The following DNAJC16 variants were observed in gnomAD, a reference collection of about 807,000 sequenced individuals.
DNAJC16 encodes dnaJ homolog subfamily C member 16.
In DNAJC16, 76 loss-of-function variants were observed where a neutral mutation model predicts 92.7. The ratio of observed to expected loss-of-function variants is 0.82; its 90% CI spans 0.68 to 0.99. The LOEUF is 0.99. Ranked by LOEUF, DNAJC16 falls within the 50% of genes least tolerant of loss-of-function variation. The probability of loss-of-function intolerance (pLI) is 0.00; values close to 1 mark genes in which losing one functional copy is unlikely to be tolerated. For missense variants in DNAJC16, 869 were observed against 942.4 expected (o/e 0.92, Z 1.02); for synonymous variants, 328 against 358.7 (o/e 0.91, Z 0.97).
At position 15,568,194 on chromosome 1, in the gene DNAJC16, G is replaced by A. The variant is rs147514781; in HGVS notation, c.*17G>A. ...CTAGACTGAGAGGATTTTCCAAAGAGATTTGAACTCTTCAGACTTTTTAAC... is the reference window on the plus strand; with the variant it reads ...CTAGACTGAGAGGATTTTCCAAAGAAATTTGAACTCTTCAGACTTTTTAAC... On this transcript the variant is annotated 3_prime_UTR_variant, in exon 15 of 15. Coordinates refer to ENST00000375847, the MANE Select transcript of DNAJC16 (RefSeq NM_015291.4). 1.0e-4 allele frequency: 162 copies of A among 1,585,504 alleles called. 2 individuals carry two copies. In the African/African-American group the frequency reaches 2.0e-3, roughly 20 times the overall value.
At chr1:15,532,781 G>C (rs772782313) in intron 2 of DNAJC16, among the ~76,000 whole-genome samples, 1 of 151,838 alleles carries the variant, frequency 6.6e-6, no homozygotes, top group African/African-American at 2.4e-5. Flanking sequence ...ATTATGACTA[G>C]CTGAGATTTT....
At chr1:15,533,341 T>C (rs924077905) in intron 2 of DNAJC16, among the ~76,000 whole-genome samples, 1 of 152,120 alleles carries the variant, frequency 6.6e-6, no homozygotes, top group East Asian at 1.9e-4. Context: ...ACATGTGGCA[T>C]TGAGGCCGGG....
chr1:15,537,281 G>A (rs1239868645), intron 4 of DNAJC16, among the ~76,000 whole-genome samples: 1 of 152,204 alleles, frequency 6.6e-6, no homozygotes, highest in African/African-American at 2.4e-5. Context: ...GCTGAGCCTT[G>A]AAGGGGGTTG....
chr1:15,571,644 CTT>C lies in DNAJC16; in HGVS notation c.*3473_*3474del, dbSNP rs1285829135. 6.6e-6 allele frequency: 1 copy of C among 152,438 alleles called. No individual in the cohort carries two copies. The highest frequency in any genetic ancestry group is 1.9e-4 in the East Asian group (1 of 5,198). The allele number at this position is 152,438 out of a possible 1,614,324, so 9.4% of individuals were successfully genotyped here. Reference sequence around the variant, plus strand: ...TTTGGGTGTTGTTTTTGTTTTTTGACTTTTTTTGTATTGTGAACAGGCACTGA... The same window carrying C: ...TTTGGGTGTTGTTTTTGTTTTTTGACTTTTTGTATTGTGAACAGGCACTGA... On this transcript the variant is annotated 3_prime_UTR_variant, in exon 15 of 15. Coordinates refer to ENST00000375847, the MANE Select transcript of DNAJC16 (RefSeq NM_015291.4).
chr1:15,535,729 C>T (rs561282026), intron 3 of DNAJC16, among the ~76,000 whole-genome samples: 2 of 151,794 alleles, frequency 1.3e-5, no homozygotes, highest in East Asian at 2.0e-4. Flanking sequence ...GACTCTATCT[C>T]GAAAAGAAAA....
rs928077956 is a variant in DNAJC16, at chr1:15,568,876, G to A, written c.*699G>A. On this transcript the variant is annotated 3_prime_UTR_variant, in exon 15 of 15. Coordinates refer to ENST00000375847, the MANE Select transcript of DNAJC16 (RefSeq NM_015291.4). Reference sequence around the variant, plus strand: ...CTGAAGCGATGCAGCCTTGAGACACGCTGTGAGCATCCCATCCGCCGCCCC... The same window carrying A: ...CTGAAGCGATGCAGCCTTGAGACACACTGTGAGCATCCCATCCGCCGCCCC... The A allele has an allele frequency of 2.8e-5, 11 of 395,698 alleles. No individual in the cohort carries two copies. The highest frequency in any genetic ancestry group is 4.1e-5 in the African/African-American group (2 of 48,602). 24.5% of individuals were successfully genotyped at this position (395,698 alleles called of 1,614,324 possible).
chr1:15,568,169 C>G lies in DNAJC16; in HGVS notation c.2341C>G (p.Leu781Val). The change falls in exon 15 of 15, where the codon CTA becomes GTA. Residue 781 changes from leucine (L) to valine (V), a missense_variant. Transcript: ENST00000375847. ...GTTTTATATCCCATCATGGCCTGAA[C>G]TAGACTGAGAGGATTTTCCAAAGAG... Reference protein sequence around the residue: ...QRFYIPSWPELD With the variant: ...QRFYIPSWPEVD 6.2e-7 allele frequency: 1 copy of G among 1,603,910 alleles called. No homozygotes were observed. Among genetic ancestry groups the G allele is most frequent in the Non-Finnish European group, 8.5e-7 (1 of 1,174,564 alleles).
chr1:15,566,274 A>G, intron 13 of DNAJC16, 94 bp downstream of exon 13: 1 of 1,027,932 alleles, frequency 9.7e-7, no homozygotes, highest in Non-Finnish European at 1.4e-6. Flanking sequence ...GAGTGTAGAG[A>G]AGAACTCTCA....
intron 8 of DNAJC16, among the ~76,000 whole-genome samples, chr1:15,561,197 G>A (rs1369998857): frequency 6.6e-6 from 1 of 151,434 alleles, no homozygotes. Flanking sequence ...TAAGCTCCAT[G>A]AGGGCAATAA....
At chr1:15,564,405 A>G in intron 11 of DNAJC16, 46 bp downstream of exon 11, 1 of 1,181,172 alleles carries the variant, frequency 8.5e-7, no homozygotes, top group Non-Finnish European at 1.3e-6. Flanking sequence ...GTTAATACTG[A>G]TATCACTGTT....
chr1:15,563,455 G>A (rs1342132571), intron 9 of DNAJC16, among the ~76,000 whole-genome samples: 1 of 151,828 alleles, frequency 6.6e-6, no homozygotes, highest in Non-Finnish European at 1.5e-5. Flanking sequence ...CTTGAACCTG[G>A]GAGGCAGAGG....
At chr1:15,547,407 A>T (rs910911493) in intron 6 of DNAJC16, among the ~76,000 whole-genome samples, 1 of 145,528 alleles carries the variant, frequency 6.9e-6, no homozygotes, top group Non-Finnish European at 1.5e-5. Flanking sequence ...CAGCCTCCCA[A>T]ATTGCTGGGA....
chr1:15,540,519 C>T (rs1710909167), intron 4 of DNAJC16, among the ~76,000 whole-genome samples: 1 of 152,084 alleles, frequency 6.6e-6, no homozygotes, highest in Admixed American at 6.6e-5. Context: ...GGTTCAGATC[C>T]CATCACCGTC....
intron 3 of DNAJC16, among the ~76,000 whole-genome samples, chr1:15,535,972 C>G (rs1710770068): frequency 6.6e-6 from 1 of 151,178 alleles, no homozygotes; most frequent in Non-Finnish European, 1.5e-5. Flanking sequence ...GCTATGTGGT[C>G]CAGGCTGGTC....
chr1:15,566,894 A>G (rs557931247), intron 13 of DNAJC16, among the ~76,000 whole-genome samples: 1 of 152,266 alleles, frequency 6.6e-6, no homozygotes, highest in African/African-American at 2.4e-5. Flanking sequence ...AAAAAGAAAA[A>G]GAAAAGCAGC....
intron 7 of DNAJC16, 108 bp downstream of exon 7, chr1:15,548,536 C>A: frequency 9.1e-7 from 1 of 1,094,128 alleles, no homozygotes; most frequent in Admixed American, 3.3e-5. Flanking sequence ...GATCTTCCTT[C>A]AGATGCACAA....
intron 4 of DNAJC16, among the ~76,000 whole-genome samples, chr1:15,543,046 C>G (rs1018855361): frequency 6.6e-6 from 1 of 152,180 alleles, no homozygotes; most frequent in African/African-American, 2.4e-5. Flanking sequence ...AGATTGATGG[C>G]CCAGTTTCAG....
At chr1:15,534,103 CATTT>C in intron 2 of DNAJC16, 130 bp from the exon 3 acceptor site, 1 of 790,438 alleles carries the variant, frequency 1.3e-6, no homozygotes, top group Non-Finnish European at 1.9e-6. Flanking sequence ...TTGCCTCTAT[CATTT>C]ATTTTAAGAA....
At chr1:15,557,593 ACTT>A (rs997199619) in intron 7 of DNAJC16, among the ~76,000 whole-genome samples, 2 of 151,350 alleles carry the variant, frequency 1.3e-5, no homozygotes, top group Admixed American at 6.6e-5. Flanking sequence ...TATTTCATTA[ACTT>A]CTTTTCTATT....
Sources: allele counts gnomAD v4.1 joint callset (sites outside exome capture counted in the v4.1 genomes callset), GRCh38; gene constraint gnomAD v4.1.1; transcripts MANE v1.5; gene names NCBI Gene and HGNC (gene_info 2026-07-23, HGNC 2026-07-21).